Variants in WWOX observed in about 807,000 individuals in gnomAD.
WWOX encodes the protein WW domain containing oxidoreductase, also known as WW domain-containing oxidoreductase.
WWOX carries 69 observed loss-of-function variants against 46.2 expected under a neutral mutation model. The observed-to-expected ratio is 1.49, with a 90% CI of 1.23 to 1.82. The LOEUF (loss-of-function observed/expected upper bound fraction) is 1.82, where lower values mean the gene tolerates loss of function less well. WWOX is among the 40% of genes most tolerant of loss of function. WWOX has a pLI of 0.00. For synonymous variants in WWOX, 359 were observed against 202.6 expected (o/e 1.77, Z -6.56); for missense variants, 919 against 542.6 (o/e 1.69, Z -6.89).
Position 78,650,504 on chromosome 16 carries a change from C to T in WWOX, c.1056+217752C>T, listed in dbSNP as rs78285266. Among the ~76,000 whole-genome samples the T allele has an allele frequency of 4.3e-3, 652 of 152,274 alleles. 26 individuals are homozygous for T. In the East Asian group the frequency reaches 0.058, roughly 14 times the overall value. ...GCAATGCTTGAGATTTGCCCTGTGA[C>T]TCAACCCAAATCTAAAGCCCGAGTC... On this transcript the variant is annotated intron_variant, in intron 8 of 8. Transcript: ENST00000566780.
intron 8 of WWOX, among the ~76,000 whole-genome samples, chr16:78,907,862 G>C (rs919832983): frequency 1.3e-5 from 2 of 152,110 alleles, no homozygotes; most frequent in African/African-American, 4.8e-5. Flanking sequence ...GGAGCAGCAA[G>C]TTCCAAAGCC....
intron 8 of WWOX, among the ~76,000 whole-genome samples, chr16:78,915,179 C>A (rs1020005821): frequency 6.6e-6 from 1 of 152,124 alleles, no homozygotes; most frequent in Non-Finnish European, 1.5e-5. Flanking sequence ...CCTCCCCATT[C>A]ACTCCACCAC....
intron 8 of WWOX, among the ~76,000 whole-genome samples, chr16:78,814,507 G>A (rs1201434135): frequency 1.3e-5 from 2 of 151,720 alleles, no homozygotes; most frequent in Non-Finnish European, 2.9e-5. Context: ...ACTTTAGAAT[G>A]TTGGCTTTTC....
At chr16:78,497,108 T>G (rs910679001) in intron 8 of WWOX, among the ~76,000 whole-genome samples, 2 of 152,236 alleles carry the variant, frequency 1.3e-5, no homozygotes, top group Non-Finnish European at 2.9e-5. Flanking sequence ...TGCTTTGGCA[T>G]AAAACAACAG....
In WWOX at chr16:78,115,066, C is replaced by A. The variant is rs373306276; in HGVS notation, c.321C>A (p.Tyr107Ter). The A allele has an allele frequency of 1.9e-6, 3 of 1,614,160 alleles. No homozygotes were observed. Among genetic ancestry groups the A allele is most frequent in the Non-Finnish European group, 2.5e-6 (3 of 1,180,026 alleles). Residue 107 changes from tyrosine (Y) to a stop codon, truncating the protein, a stop_gained, in exon 4 of 9, where the codon TAC (tyrosine) becomes TAA (stop). Transcript: ENST00000566780. LOFTEE classifies it high-confidence loss of function. Reference sequence around the variant, plus strand: ...CCAAGCCAACCACCCGGCAAAGATACGACGGCAGCACCACTGCCATGGAAA... The same window carrying A: ...CCAAGCCAACCACCCGGCAAAGATAAGACGGCAGCACCACTGCCATGGAAA... ...NPTKPTTRQR[Y>*]DGSTTAMEIL... is the part of the protein sequence containing the mutation.
chr16:78,532,746 G>T (rs28550754), intron 8 of WWOX, among the ~76,000 whole-genome samples: 8 of 151,730 alleles, frequency 5.3e-5, no homozygotes, highest in Non-Finnish European at 5.9e-5. Flanking sequence ...TTATGATACC[G>T]TCAGATTCCT....
At chr16:78,915,992 C>T (rs147607233) in intron 8 of WWOX, among the ~76,000 whole-genome samples, 1 of 152,216 alleles carries the variant, frequency 6.6e-6, no homozygotes, top group African/African-American at 2.4e-5. Flanking sequence ...CCTCAGATTT[C>T]CCACCTATTG....
At chr16:79,205,037 T>G (rs1009151901) in intron 8 of WWOX, 1 of 152,202 alleles carries the variant, frequency 6.6e-6, no homozygotes, top group African/African-American at 2.4e-5. Flanking sequence ...AGACTCGGAT[T>G]TGGGGGCATC....
chr16:78,263,996 C>CTTTTTTTTGTT (rs2079304936), intron 5 of WWOX, among the ~76,000 whole-genome samples: 2 of 78,816 alleles, frequency 2.5e-5, no homozygotes, highest in East Asian at 5.3e-4. Context: ...GCTGTGAAAT[C>CTTTTTTTTGTT]TTTTTTTTTT....
At chr16:78,542,018 C>CA (rs548366256) in intron 8 of WWOX, among the ~76,000 whole-genome samples, 6,263 of 40,464 alleles carry the variant, frequency 0.15, 1,543 homozygotes, top group Middle Eastern at 0.19. Flanking sequence ...CAGAGTATAC[C>CA]AAAAAAAAAA....
chr16:78,508,780 C>T (rs575810276), intron 8 of WWOX, among the ~76,000 whole-genome samples: 1 of 152,198 alleles, frequency 6.6e-6, no homozygotes, highest in Non-Finnish European at 1.5e-5. Context: ...GCCGATGTCT[C>T]TCCACAGGGC....
chr16:79,174,331 A>G (rs1835548132), intron 8 of WWOX, among the ~76,000 whole-genome samples: 1 of 152,180 alleles, frequency 6.6e-6, no homozygotes. Flanking sequence ...TTGGCCAGAC[A>G]AGTTACAGCA....
chr16:78,813,787 A>C (rs1409603603), intron 8 of WWOX, among the ~76,000 whole-genome samples: 1 of 152,196 alleles, frequency 6.6e-6, no homozygotes, highest in Non-Finnish European at 1.5e-5. Context: ...TGGGGCACAT[A>C]CAGATTCAGC....
At chr16:79,109,290 G>C (rs1191050846) in intron 8 of WWOX, among the ~76,000 whole-genome samples, 1 of 152,122 alleles carries the variant, frequency 6.6e-6, no homozygotes, top group African/African-American at 2.4e-5. Flanking sequence ...ACAGATCCTT[G>C]TCTCCCAGAC....
In WWOX at chr16:79,188,621, C is replaced by G. The variant is rs141621012; in HGVS notation, c.1057-22987C>G. Reference sequence around the variant, plus strand: ...ATGTTTATCTAGCAATTCATTTCTTCTGAGCCATCTGTTGCTAGGCAGGAT... The same window carrying G: ...ATGTTTATCTAGCAATTCATTTCTTGTGAGCCATCTGTTGCTAGGCAGGAT... On this transcript the variant is annotated intron_variant, in intron 8 of 8. Transcript: ENST00000566780. Among the ~76,000 whole-genome samples the G allele has an allele frequency of 2.5e-3, 382 of 152,360 alleles. 1 individual carries two copies. The highest frequency in any genetic ancestry group is 8.5e-3 in the African/African-American group (353 of 41,586).
chr16:78,879,730 A>T (rs2044305035), intron 8 of WWOX, among the ~76,000 whole-genome samples: 1 of 152,064 alleles, frequency 6.6e-6, no homozygotes, highest in African/African-American at 2.4e-5. Flanking sequence ...ATACAAAATT[A>T]GCCAGGCATG....
intron 8 of WWOX, among the ~76,000 whole-genome samples, chr16:79,136,216 A>G (rs2049978792): frequency 6.6e-6 from 1 of 151,632 alleles, no homozygotes; most frequent in South Asian, 2.1e-4. Context: ...TGCAACTGGC[A>G]TACTGATGTC....
At chr16:79,154,919 A>C (rs928051615) in intron 8 of WWOX, among the ~76,000 whole-genome samples, 3 of 152,298 alleles carry the variant, frequency 2.0e-5, no homozygotes, top group Middle Eastern at 6.8e-3. Context: ...AAAAAATGAA[A>C]GAAAGAAAGA....
At chr16:78,739,715 G>A (rs1388601477) in intron 8 of WWOX, among the ~76,000 whole-genome samples, 1 of 152,120 alleles carries the variant, frequency 6.6e-6, no homozygotes, top group Non-Finnish European at 1.5e-5. Flanking sequence ...AGAGGCTGAG[G>A]CAGGAGAATC....
Sources: allele counts gnomAD v4.1 joint callset (sites outside exome capture counted in the v4.1 genomes callset), GRCh38; gene constraint gnomAD v4.1.1; transcripts MANE v1.5; gene names NCBI Gene and HGNC (gene_info 2026-07-23, HGNC 2026-07-21).